MINDY4: variants seen among roughly 807,000 people sequenced by gnomAD.
The protein encoded by MINDY4 is probable ubiquitin carboxyl-terminal hydrolase MINDY-4.
MINDY4 carries 68 observed loss-of-function variants against 87.0 expected under a neutral mutation model. The observed-to-expected ratio is 0.78, with a 90% CI of 0.64 to 0.96. The LOEUF (loss-of-function observed/expected upper bound fraction) is 0.96. MINDY4 is among the 40% of genes least tolerant of loss of function. The probability of loss-of-function intolerance (pLI) is 0.00; values close to 1 mark genes in which losing one functional copy is unlikely to be tolerated. For synonymous variants in MINDY4, 379 were observed against 363.2 expected (o/e 1.04, Z -0.50); for missense variants, 919 against 928.2 (o/e 0.99, Z 0.13).
At chr7:30,821,660 C>G (rs1457234370) in intron 5 of MINDY4, among the ~76,000 whole-genome samples, 3 of 152,070 alleles carry the variant, frequency 2.0e-5, no homozygotes, top group Non-Finnish European at 2.9e-5. Context: ...TTCCTAAATT[C>G]TCTTTATTCT....
intron 13 of MINDY4, among the ~76,000 whole-genome samples, chr7:30,862,006 A>C (rs1489683115): frequency 1.3e-5 from 2 of 152,250 alleles, no homozygotes; most frequent in African/African-American, 2.4e-5. Flanking sequence ...GTACTTGAGA[A>C]GACACCCAGC....
intron 15 of MINDY4, among the ~76,000 whole-genome samples, chr7:30,876,454 A>G (rs1372036941): frequency 6.6e-6 from 1 of 152,158 alleles, no homozygotes. Flanking sequence ...TTCAACCCAT[A>G]GTAGGCCTCA....
intron 5 of MINDY4, among the ~76,000 whole-genome samples, chr7:30,825,584 A>C (rs1468166433): frequency 6.6e-6 from 1 of 152,218 alleles, no homozygotes; most frequent in East Asian, 1.9e-4. Context: ...GCAAGACCAA[A>C]GTAGAGCATT....
At position 30,889,512 on chromosome 7, in the gene MINDY4, A is replaced by G. The variant is rs541638611; in HGVS notation, c.2226-2445A>G. ...CAATGGGCACTCACTGCCGAGGAGA[A>G]GTCTGACTTCACCAAGCCAAGCCAG... On this transcript the variant is annotated intron_variant, in intron 17 of 17. Coordinates refer to ENST00000265299, the MANE Select transcript of MINDY4 (RefSeq NM_032222.3). 1.4e-4 allele frequency among the ~76,000 whole-genome samples: 22 copies of G among 152,350 alleles called. 1 individual carries two copies. Among genetic ancestry groups the G allele is most frequent in the Admixed American group, 5.9e-4 (9 of 15,308 alleles).
rs781329550 is a variant in MINDY4, at chr7:30,785,763, A to G, written c.434A>G (p.Asp145Gly). 1.5e-5 allele frequency: 25 copies of G among 1,614,082 alleles called. No individual in the cohort carries two copies. Among genetic ancestry groups the G allele is most frequent in the Non-Finnish European group, 2.1e-5 (25 of 1,180,038 alleles). The stretch of plus-strand genomic sequence containing the variant: ...CTTTTTCACAGACATGACAATCTTG[A>G]TGGAGATGTACTTGGTAATTTTGTA... ...ETSKARHDNL[D>G]GDVLGNFVSS... The change falls in exon 4 of 18, where the codon GAT becomes GGT. Residue 145 changes from aspartate (D) to glycine (G), a missense_variant. By Grantham distance (94) the Asp-to-Gly change is moderately conservative (BLOSUM62 -1). Transcript: ENST00000265299.
intron 12 of MINDY4, 200 bp from the exon 13 acceptor site, chr7:30,859,057 G>T (rs933583152): frequency 1.7e-5 from 12 of 715,048 alleles, no homozygotes; most frequent in Non-Finnish European, 3.1e-5. Flanking sequence ...CCCTCGCTCT[G>T]CTGTCATTGT....
At chr7:30,797,521 C>T (rs944027988) in intron 5 of MINDY4, among the ~76,000 whole-genome samples, 1 of 152,230 alleles carries the variant, frequency 6.6e-6, no homozygotes, top group East Asian at 1.9e-4. Context: ...TGTGCACAGG[C>T]CCTGCAGTGG....
chr7:30,858,701 T>C (rs1304784846), intron 12 of MINDY4: 1 of 183,890 alleles, frequency 5.4e-6, no homozygotes, highest in African/African-American at 2.4e-5. Context: ...CATGGCTGCC[T>C]CCTTCGCCTC....
intron 5 of MINDY4, among the ~76,000 whole-genome samples, chr7:30,808,827 C>G (rs2128557511): frequency 6.6e-6 from 1 of 152,034 alleles, no homozygotes; most frequent in Non-Finnish European, 1.5e-5. Context: ...CCCTCCCCAC[C>G]CCGCACAATG....
intron 1 of MINDY4, among the ~76,000 whole-genome samples, chr7:30,775,884 G>A (rs936981738): frequency 6.6e-6 from 1 of 152,168 alleles, no homozygotes; most frequent in Non-Finnish European, 1.5e-5. Flanking sequence ...TGGAATAAAT[G>A]GCATCTCTGT....
At chr7:30,841,308 TTAAG>T (rs1318741751) in intron 9 of MINDY4, among the ~76,000 whole-genome samples, 14 of 152,244 alleles carry the variant, frequency 9.2e-5, no homozygotes, top group African/African-American at 3.1e-4. Context: ...ATTTCACACA[TTAAG>T]TGTTTGCACA....
chr7:30,832,053 C>T (rs188302653), intron 6 of MINDY4, among the ~76,000 whole-genome samples: 1 of 152,308 alleles, frequency 6.6e-6, no homozygotes, highest in East Asian at 1.9e-4. Flanking sequence ...GCTATATGGT[C>T]CTAAACCAAC....
At chr7:30,848,747 C>A (rs147056105) in intron 9 of MINDY4, among the ~76,000 whole-genome samples, 151 of 152,300 alleles carry the variant, frequency 9.9e-4, no homozygotes, top group African/African-American at 3.5e-3. Context: ...AAGTGTCAGG[C>A]AGTAGCTGTT....
chr7:30,807,494 A>G (rs1397825215), intron 5 of MINDY4, among the ~76,000 whole-genome samples: 1 of 152,138 alleles, frequency 6.6e-6, no homozygotes, highest in Non-Finnish European at 1.5e-5. Context: ...GAAAGTATCC[A>G]TTTTAGATTT....
At chr7:30,869,859 A>G (rs1251618973) in intron 13 of MINDY4, among the ~76,000 whole-genome samples, 2 of 152,158 alleles carry the variant, frequency 1.3e-5, no homozygotes, top group Non-Finnish European at 2.9e-5. Flanking sequence ...GCAGGCTGGA[A>G]CTAAGCCATA....
At chr7:30,872,692 C>G (rs1322820834) in intron 14 of MINDY4, among the ~76,000 whole-genome samples, 2 of 152,216 alleles carry the variant, frequency 1.3e-5, no homozygotes, top group African/African-American at 4.8e-5. Context: ...CTGGCCTCTT[C>G]TATGTTTGCA....
At chr7:30,820,578 C>A (rs905307649) in intron 5 of MINDY4, among the ~76,000 whole-genome samples, 1 of 152,164 alleles carries the variant, frequency 6.6e-6, no homozygotes, top group South Asian at 2.1e-4. Flanking sequence ...TTCACATAAG[C>A]GGAATCATAT....
At chr7:30,873,210 G>A (rs1790159877) in intron 14 of MINDY4, among the ~76,000 whole-genome samples, 1 of 152,220 alleles carries the variant, frequency 6.6e-6, no homozygotes, top group African/African-American at 2.4e-5. Flanking sequence ...GCCTCACGGG[G>A]AGTGGCTACT....
At chr7:30,798,107 A>G (rs1395170262) in intron 5 of MINDY4, among the ~76,000 whole-genome samples, 1 of 152,170 alleles carries the variant, frequency 6.6e-6, no homozygotes, top group Non-Finnish European at 1.5e-5. Flanking sequence ...CACCTAGGCT[A>G]AATGGCTTAG....
Sources: gnomAD v4.1 joint callset for allele counts (sites outside exome capture counted in the v4.1 genomes callset) on GRCh38, gnomAD v4.1.1 for gene constraint, MANE v1.5 for transcripts, NCBI Gene and HGNC (gene_info 2026-07-23, HGNC 2026-07-21) for gene names.